The following INPP4B variants were observed in gnomAD, a reference collection of about 807,000 sequenced individuals.
INPP4B encodes inositol polyphosphate 4-phosphatase type II.
INPP4B carries 55 observed loss-of-function variants against 122.5 expected under a neutral mutation model. The ratio of observed to expected loss-of-function variants is 0.45; its 90% confidence interval spans 0.36 to 0.56. The LOEUF (loss-of-function observed/expected upper bound fraction) is 0.56. INPP4B is among the 20% of genes least tolerant of loss of function. The pLI is 0.00. For synonymous variants in INPP4B, 403 were observed against 388.7 expected (o/e 1.04, Z -0.43); for missense variants, 1,000 against 1,097.7 (o/e 0.91, Z 1.26).
intron 1 of INPP4B, among the ~76,000 whole-genome samples, chr4:142,788,782 T>C (rs1256755873): frequency 6.6e-6 from 1 of 151,894 alleles, no homozygotes; most frequent in Non-Finnish European, 1.5e-5. Context: ...TCCAGGTTGC[T>C]GTGAATGCCA....
At chr4:142,332,697 T>G (rs906004837) in intron 7 of INPP4B, among the ~76,000 whole-genome samples, 4 of 151,908 alleles carry the variant, frequency 2.6e-5, no homozygotes, top group African/African-American at 9.7e-5. Context: ...AGACAATGCT[T>G]TCTTGTTTAA....
chr4:142,082,881 C>G (rs942433834), intron 24 of INPP4B, among the ~76,000 whole-genome samples: 1 of 152,160 alleles, frequency 6.6e-6, no homozygotes, highest in Admixed American at 6.5e-5. Context: ...AATCCTAACA[C>G]TTTGGGAGGC....
chr4:142,285,522 C>T lies in INPP4B; in HGVS notation c.504-14748G>A, dbSNP rs981686476. ...GGCCTCAGGTATACCATGTCTGAGG[C>T]CATGAGGCTCAATCCAGAAGTGTTT... On this transcript the variant is annotated intron_variant, in intron 9 of 25. Transcript: ENST00000262992. Among the ~76,000 whole-genome samples, 4 of 55,190 alleles carry T rather than the reference C, an allele frequency of 7.2e-5. No homozygotes were observed. In the African/African-American group the frequency reaches 2.3e-3, roughly 32 times the overall value. 36.2% of individuals were successfully genotyped at this position (55,190 alleles called of 152,430 possible).
intron 2 of INPP4B, among the ~76,000 whole-genome samples, chr4:142,608,122 TCA>T (rs1184128443): frequency 6.6e-6 from 1 of 152,168 alleles, no homozygotes; most frequent in Non-Finnish European, 1.5e-5. Flanking sequence ...GAATGAATCA[TCA>T]AGGGCCTATT....
At chr4:142,590,125 T>A (rs778606922) in intron 2 of INPP4B, among the ~76,000 whole-genome samples, 2 of 152,070 alleles carry the variant, frequency 1.3e-5, no homozygotes, top group Non-Finnish European at 2.9e-5. Context: ...AAGGACTGAA[T>A]CGGTGAAGCA....
chr4:142,274,394 A>T (rs2247659), intron 9 of INPP4B, among the ~76,000 whole-genome samples: 82,156 of 151,456 alleles, frequency 0.54, 26,324 homozygotes, highest in Non-Finnish European at 0.7. Context: ...CTCAAACCCC[A>T]TGCTCTAATA....
chr4:142,630,101 G>A (rs1171207062), intron 2 of INPP4B, among the ~76,000 whole-genome samples: 2 of 152,080 alleles, frequency 1.3e-5, no homozygotes, highest in East Asian at 1.9e-4. Context: ...AGCCCAACGC[G>A]ATCAGTAGTT....
At chr4:142,286,564 T>C (rs1462101692) in intron 9 of INPP4B, among the ~76,000 whole-genome samples, 1 of 152,192 alleles carries the variant, frequency 6.6e-6, no homozygotes, top group Non-Finnish European at 1.5e-5. Flanking sequence ...CTTTTTTCTT[T>C]CTTACTCTGA....
At chr4:142,748,405 TTAAA>T (rs1179727078) in intron 1 of INPP4B, among the ~76,000 whole-genome samples, 1 of 151,644 alleles carries the variant, frequency 6.6e-6, no homozygotes, top group African/African-American at 2.4e-5. Flanking sequence ...AGCCAAAGAA[TTAAA>T]TAGACAAATG....
At chr4:142,157,832 G>A (rs1447672285) in intron 17 of INPP4B, among the ~76,000 whole-genome samples, 7 of 151,738 alleles carry the variant, frequency 4.6e-5, no homozygotes, top group African/African-American at 1.7e-4. Flanking sequence ...TCATTTCTTC[G>A]GTGCCTATTT....
intron 1 of INPP4B, among the ~76,000 whole-genome samples, chr4:142,751,417 G>T (rs1398297958): frequency 6.6e-6 from 1 of 151,830 alleles, no homozygotes; most frequent in Non-Finnish European, 1.5e-5. Flanking sequence ...ATACAAAATG[G>T]GTTTAAACAG....
intron 15 of INPP4B, among the ~76,000 whole-genome samples, chr4:142,174,538 T>A (rs1827139262): frequency 6.6e-6 from 1 of 152,122 alleles, no homozygotes; most frequent in Non-Finnish European, 1.5e-5. Flanking sequence ...TATTTCATAG[T>A]GTTATTTTAT....
chr4:142,198,884 G>T (rs1328241583), intron 14 of INPP4B, among the ~76,000 whole-genome samples: 2 of 151,876 alleles, frequency 1.3e-5, no homozygotes, highest in South Asian at 2.1e-4. Context: ...TACCTAAACT[G>T]CCCTTCCCTC....
At chr4:142,603,950 T>C (rs1353352558) in intron 2 of INPP4B, among the ~76,000 whole-genome samples, 1 of 151,562 alleles carries the variant, frequency 6.6e-6, no homozygotes, top group Non-Finnish European at 1.5e-5. Flanking sequence ...CCAATACCCC[T>C]GCTGAACATA....
At chr4:142,511,026 T>C (rs1370694299) in intron 2 of INPP4B, among the ~76,000 whole-genome samples, 7 of 152,192 alleles carry the variant, frequency 4.6e-5, no homozygotes, top group Non-Finnish European at 4.4e-5. Context: ...AAATGAAGGA[T>C]GTTTCACCTC....
intron 2 of INPP4B, among the ~76,000 whole-genome samples, chr4:142,487,495 AAATCTGTCAGTATTTTG>A (rs1167211339): frequency 6.6e-6 from 1 of 152,098 alleles, no homozygotes; most frequent in African/African-American, 2.4e-5. Flanking sequence ...TAGCCCCCCA[AAATCTGTCAGTATTTTG>A]ATTGAAATTA....
chr4:142,156,549 T>C (rs1291218137), intron 17 of INPP4B, among the ~76,000 whole-genome samples: 4 of 152,156 alleles, frequency 2.6e-5, no homozygotes, highest in Non-Finnish European at 5.9e-5. Flanking sequence ...TCCTTTGGGG[T>C]TTAATTGTTT....
At chr4:142,806,803 GAAAGAAAGAAAGA>G (rs1561091396) in intron 1 of INPP4B, among the ~76,000 whole-genome samples, 3 of 134,888 alleles carry the variant, frequency 2.2e-5, no homozygotes, top group Non-Finnish European at 4.8e-5. Flanking sequence ...AAGAAAGAAA[GAAAGAAAGAAAGA>G]AAGAAAGAAA....
intron 12 of INPP4B, among the ~76,000 whole-genome samples, chr4:142,230,789 C>T (rs1853995262): frequency 2.0e-5 from 3 of 151,884 alleles, no homozygotes; most frequent in Non-Finnish European, 4.4e-5. Flanking sequence ...ATGGCAAAAA[C>T]TCAATATACA....
Sources: allele counts gnomAD v4.1 joint callset (sites outside exome capture counted in the v4.1 genomes callset), GRCh38; gene constraint gnomAD v4.1.1; transcripts MANE v1.5; gene names NCBI Gene and HGNC (gene_info 2026-07-23, HGNC 2026-07-21).